C1QTNF7: variants seen among roughly 807,000 people sequenced by gnomAD.
C1QTNF7 encodes the protein complement C1q tumor necrosis factor-related protein 7.
C1QTNF7 carries 15 observed loss-of-function variants against 19.6 expected under a neutral mutation model. The ratio of observed to expected loss-of-function variants is 0.76; its 90% CI spans 0.51 to 1.18. C1QTNF7 has a LOEUF of 1.18. C1QTNF7 is among the 50% of genes most tolerant of loss of function. C1QTNF7 has a pLI of 0.00. For synonymous variants in C1QTNF7, 142 were observed against 137.5 expected, an observed-to-expected ratio of 1.03 and a Z score of -0.23; for missense variants, 324 against 359.7, an observed-to-expected ratio of 0.90 and a Z score of 0.80.
intron 1 of C1QTNF7, among the ~76,000 whole-genome samples, chr4:15,410,841 G>A (rs542122939): frequency 2.3e-4 from 35 of 152,302 alleles, no homozygotes; most frequent in African/African-American, 7.9e-4. Flanking sequence ...AAGGCAGCCT[G>A]TAATCTACCA....
chr4:15,428,569 A>G (rs1712159495), intron 1 of C1QTNF7, among the ~76,000 whole-genome samples: 1 of 152,186 alleles, frequency 6.6e-6, no homozygotes, highest in Non-Finnish European at 1.5e-5. Flanking sequence ...AGATAGCCAT[A>G]ACACAGTGCA....
intron 1 of C1QTNF7, among the ~76,000 whole-genome samples, chr4:15,372,219 C>T (rs1717760857): frequency 6.6e-6 from 1 of 152,170 alleles, no homozygotes; most frequent in Non-Finnish European, 1.5e-5. Flanking sequence ...AAGCTTTAAC[C>T]CCTATTACGG....
At chr4:15,440,958 T>C (rs931420118) in intron 2 of C1QTNF7, among the ~76,000 whole-genome samples, 6 of 152,104 alleles carry the variant, frequency 3.9e-5, no homozygotes, top group African/African-American at 9.6e-5. Flanking sequence ...CTGGCCAACA[T>C]GGCAAAAGCC....
rs148878136 is a variant in C1QTNF7 at position 15,355,805 on chromosome 4, C to A, written c.13+15598C>A. On this transcript the variant is annotated intron_variant, in intron 1 of 2. Transcript: ENST00000295297. ...GTTGGAGCAGCAGCTTTAACAAAAACCCTTTGCCCAGTTCCAAGCCCTCTG... is the reference window on the plus strand; with the variant it reads ...GTTGGAGCAGCAGCTTTAACAAAAAACCTTTGCCCAGTTCCAAGCCCTCTG... 2.2e-3 allele frequency among the ~76,000 whole-genome samples: 342 copies of A among 152,170 alleles called. 3 individuals carry two copies. The highest frequency in any genetic ancestry group is 7.9e-3 in the African/African-American group (329 of 41,526).
intron 1 of C1QTNF7, among the ~76,000 whole-genome samples, chr4:15,396,194 C>T (rs1007791747): frequency 2.0e-5 from 3 of 152,124 alleles, no homozygotes; most frequent in African/African-American, 7.2e-5. Context: ...TGACAGCACC[C>T]GAATGTGAAG....
intron 1 of C1QTNF7, among the ~76,000 whole-genome samples, chr4:15,360,638 C>G (rs937675329): frequency 6.6e-6 from 1 of 152,120 alleles, no homozygotes; most frequent in Non-Finnish European, 1.5e-5. Flanking sequence ...AGAAACAGCA[C>G]TAAATATACT....
At chr4:15,364,925 GA>G (rs773244945) in intron 1 of C1QTNF7, among the ~76,000 whole-genome samples, 9 of 152,026 alleles carry the variant, frequency 5.9e-5, no homozygotes, top group Admixed American at 2.0e-4. Flanking sequence ...CTTTTTTTGT[GA>G]GGCAAGAATA....
chr4:15,435,153 A>G (rs576354144), intron 1 of C1QTNF7, among the ~76,000 whole-genome samples: 1 of 152,358 alleles, frequency 6.6e-6, no homozygotes, highest in South Asian at 2.1e-4. Context: ...GGGGTTCTGT[A>G]CATAAAAGAT....
At chr4:15,406,118 TGG>T (rs1188112698) in intron 1 of C1QTNF7, among the ~76,000 whole-genome samples, 1 of 152,238 alleles carries the variant, frequency 6.6e-6, no homozygotes. Flanking sequence ...CTTACGCTGT[TGG>T]AATAATCACT....
At chr4:15,426,366 G>T (rs994840871), upstream of C1QTNF7, among the ~76,000 whole-genome samples, 1 of 152,116 alleles carries the variant, frequency 6.6e-6, no homozygotes, top group African/African-American at 2.4e-5. Context: ...AACATCTGAG[G>T]TTCTGAACAC....
intron 1 of C1QTNF7, among the ~76,000 whole-genome samples, chr4:15,399,159 T>C (rs1198985750): frequency 2.6e-5 from 4 of 152,218 alleles, no homozygotes; most frequent in African/African-American, 9.7e-5. Context: ...TGAGATCTTA[T>C]CAGGAACCTG....
chr4:15,402,819 AT>A (rs1218880739), intron 1 of C1QTNF7, among the ~76,000 whole-genome samples: 2 of 152,138 alleles, frequency 1.3e-5, no homozygotes, highest in Admixed American at 6.5e-5. Flanking sequence ...ACATTCAATC[AT>A]TTTTTATAAA....
Position 15,440,406 on chromosome 4 carries a change from C to CTTT in C1QTNF7, c.239-1745_239-1743dup, listed in dbSNP as rs58931762. On this transcript the variant is annotated intron_variant, in intron 2 of 2. Transcript: ENST00000444304. Reference sequence around the variant, plus strand: ...AGTCCTAGCATTGGTACAGAAGCAACTTTTTTTTTTTTTTTTTTTGATACT... The same window carrying CTTT: ...AGTCCTAGCATTGGTACAGAAGCAACTTTTTTTTTTTTTTTTTTTTTTGATACT... Among the ~76,000 whole-genome samples the CTTT allele has an allele frequency of 7.3e-4, 100 of 136,632 alleles. 2 individuals carry two copies. Among genetic ancestry groups the CTTT allele is most frequent in the African/African-American group, 2.7e-3 (97 of 36,490 alleles). 89.6% of individuals were successfully genotyped at this position (136,632 alleles called of 152,430 possible).
chr4:15,350,182 GC>G (rs1716867667), intron 1 of C1QTNF7, among the ~76,000 whole-genome samples: 1 of 118,912 alleles, frequency 8.4e-6, no homozygotes, highest in African/African-American at 3.1e-5. Flanking sequence ...AAGGAGGGAG[GC>G]AGGAAGGAAG....
upstream of C1QTNF7, among the ~76,000 whole-genome samples, chr4:15,424,326 C>A (rs959295766): frequency 5.9e-5 from 9 of 152,190 alleles, no homozygotes; most frequent in Non-Finnish European, 1.3e-4. Flanking sequence ...TGAGTCAGGT[C>A]AGAGAGTAGA....
chr4:15,416,956 C>T (rs1215239414), intron 1 of C1QTNF7, among the ~76,000 whole-genome samples: 1 of 152,152 alleles, frequency 6.6e-6, no homozygotes, highest in Non-Finnish European at 1.5e-5. Context: ...AGCTTTATTT[C>T]CCTATACAAA....
At chr4:15,375,037 T>G (rs1717883316) in intron 1 of C1QTNF7, among the ~76,000 whole-genome samples, 1 of 152,018 alleles carries the variant, frequency 6.6e-6, no homozygotes, top group East Asian at 1.9e-4. Context: ...CCAATTATGC[T>G]CCTTCATAGC....
intron 1 of C1QTNF7, among the ~76,000 whole-genome samples, chr4:15,372,934 G>C (rs111802405): frequency 4.7e-4 from 42 of 88,648 alleles, no homozygotes; most frequent in African/African-American, 2.8e-3. Flanking sequence ...AAGGAAAAGG[G>C]GGAAAAAAAG....
intron 1 of C1QTNF7, among the ~76,000 whole-genome samples, chr4:15,346,505 C>A (rs10021583): frequency 0.017 from 2,639 of 152,236 alleles, 67 homozygotes; most frequent in African/African-American, 0.061. Context: ...GAAAACATTC[C>A]TTGGTGGCCT....
Sources: allele counts gnomAD v4.1 joint callset (sites outside exome capture counted in the v4.1 genomes callset), GRCh38; gene constraint gnomAD v4.1.1; transcripts MANE v1.5; gene names NCBI Gene and HGNC (gene_info 2026-07-23, HGNC 2026-07-21).